The following VWA3B variants were observed in gnomAD, a reference collection of about 807,000 sequenced individuals.
VWA3B encodes the protein von Willebrand factor A domain-containing protein 3B.
In VWA3B, 138 loss-of-function variants were observed where a neutral mutation model predicts 158.3. That is an observed-to-expected ratio of 0.87 (90% CI 0.76 to 1.00). The LOEUF is 1.00. VWA3B is among the 50% of genes least tolerant of loss of function. The probability of loss-of-function intolerance (pLI) is 0.00; values close to 1 mark genes in which losing one functional copy is unlikely to be tolerated. For synonymous variants in VWA3B, 596 were observed against 587.3 expected (o/e 1.01, Z -0.21); for missense variants, 1,555 against 1,565.1 (o/e 0.99, Z 0.11).
chr2:98,125,701 G>A lies in VWA3B; in HGVS notation c.703-2538G>A, dbSNP rs1363515386. ...TTTTTTTGAAACCGAGTCTCGCTCTGTCGCCCAGGCTGGAGTGCAGTGGCA... is the reference window on the plus strand; with the variant it reads ...TTTTTTTGAAACCGAGTCTCGCTCTATCGCCCAGGCTGGAGTGCAGTGGCA... On this transcript the variant is annotated intron_variant, in intron 5 of 27. Transcript: ENST00000477737. This position sits in a 1 kb window ranked among gnomAD's most constrained non-coding sequence, Gnocchi z 4.1. Among the ~76,000 whole-genome samples, 1 of 151,892 alleles carries A rather than the reference G, an allele frequency of 6.6e-6. No homozygotes were observed. Among genetic ancestry groups the A allele is most frequent in the Non-Finnish European group, 1.5e-5 (1 of 68,004 alleles).
chr2:98,325,102 CG>C, the VWA3B span, among the ~76,000 whole-genome samples: 1 of 151,972 alleles, frequency 6.6e-6, no homozygotes, highest in Non-Finnish European at 1.5e-5. Flanking sequence ...AGAGAGATAA[CG>C]GGGAAAAATA....
intron 23 of VWA3B, among the ~76,000 whole-genome samples, chr2:98,297,302 G>A (rs1294807620): frequency 6.6e-6 from 1 of 151,876 alleles, no homozygotes; most frequent in Admixed American, 6.6e-5. Flanking sequence ...GGCTGGTCTT[G>A]AACTCCTGAC....
intron 2 of VWA3B, among the ~76,000 whole-genome samples, chr2:98,104,036 TTAAG>T (rs1055829937): frequency 2.0e-5 from 3 of 152,208 alleles, no homozygotes; most frequent in African/African-American, 7.2e-5. Flanking sequence ...AGCTTTCTTA[TTAAG>T]TTTTACATGG....
At chr2:98,140,339 C>A (rs1676676590) in intron 7 of VWA3B, among the ~76,000 whole-genome samples, 1 of 152,232 alleles carries the variant, frequency 6.6e-6, no homozygotes, top group Non-Finnish European at 1.5e-5. Context: ...CCTCCCTGGG[C>A]AGAGCAGGAT....
At chr2:98,111,800 T>C (rs2104914276) in intron 2 of VWA3B, among the ~76,000 whole-genome samples, 1 of 152,314 alleles carries the variant, frequency 6.6e-6, no homozygotes, top group South Asian at 2.1e-4. Flanking sequence ...ATTCAATCTT[T>C]ATTGGATGCA....
intron 12 of VWA3B, chr2:98,206,974 G>A (rs1001901655): frequency 4.1e-6 from 2 of 483,618 alleles, no homozygotes; most frequent in South Asian, 3.1e-5. Context: ...TGAACCACAT[G>A]CTACTCATGC....
intron 22 of VWA3B, among the ~76,000 whole-genome samples, chr2:98,288,567 C>A (rs1270359974): frequency 6.6e-6 from 1 of 152,190 alleles, no homozygotes; most frequent in African/African-American, 2.4e-5. Context: ...TTCTCCCTCT[C>A]TTTCCTCTGT....
At chr2:98,172,707 A>G (rs1573979786) in intron 8 of VWA3B, among the ~76,000 whole-genome samples, 1 of 152,168 alleles carries the variant, frequency 6.6e-6, no homozygotes, top group Non-Finnish European at 1.5e-5. Flanking sequence ...GTCAAAAGTA[A>G]GCTCCTAGAT....
At chr2:98,104,774 G>A (rs999392727) in intron 2 of VWA3B, among the ~76,000 whole-genome samples, 1 of 151,740 alleles carries the variant, frequency 6.6e-6, no homozygotes, top group Non-Finnish European at 1.5e-5. Flanking sequence ...ATATTTTTTA[G>A]TGTTTCATTT....
chr2:98,298,216 CGTGA>C, intron 24 of VWA3B, among the ~76,000 whole-genome samples, 185 bp downstream of exon 24: 2 of 152,294 alleles, frequency 1.3e-5, no homozygotes, highest in Admixed American at 1.3e-4. Flanking sequence ...TTTCTTTGCT[CGTGA>C]CCCTGACCTG....
At chr2:98,192,323 A>G (rs185316022) in intron 10 of VWA3B, 1 of 154,898 alleles carries the variant, frequency 6.5e-6, no homozygotes, top group Admixed American at 6.3e-5. Flanking sequence ...CTGAAAAGAG[A>G]GTCAGCAAAG....
intron 16 of VWA3B, among the ~76,000 whole-genome samples, chr2:98,234,048 A>G (rs1233119108): frequency 1.3e-5 from 2 of 152,244 alleles, no homozygotes; most frequent in Non-Finnish European, 2.9e-5. Flanking sequence ...CTGGACAGCA[A>G]TTGTGGTGGG....
At chr2:98,255,229 A>G (rs1297250807) in intron 20 of VWA3B, among the ~76,000 whole-genome samples, 5 of 98,426 alleles carry the variant, frequency 5.1e-5, no homozygotes, top group African/African-American at 8.4e-5. Flanking sequence ...ACAGGGTTTC[A>G]CCATGCTGGC....
Position 98,162,958 on chromosome 2 carries a change from G to A in VWA3B, c.1096G>A (p.Val366Met), listed in dbSNP as rs1324020551. ...RLVAEPPKPD[V>M]ATVDCESETT... ...GGTGGCCGAGCCTCCCAAGCCCGAC[G>A]TGGCCACTGTGGACTGCGGTTGGTG... The change falls in exon 8 of 28, where the codon GTG becomes ATG. Residue 366 changes from valine to methionine, a missense_variant. Physicochemically the swap from Val to Met is conservative, Grantham distance 21. Coordinates refer to ENST00000477737, the MANE Select transcript of VWA3B (RefSeq NM_144992.5). 13 of 1,614,052 alleles carry A rather than the reference G, an allele frequency of 8.1e-6. No homozygotes were observed. The East Asian group carries it at 1.1e-4, about 14-fold the overall frequency.
At chr2:98,128,035 T>C (rs970894306) in intron 5 of VWA3B, 1 of 552,626 alleles carries the variant, frequency 1.8e-6, no homozygotes, top group Non-Finnish European at 3.2e-6. Flanking sequence ...CAATAGCCAC[T>C]GTTGACAGAC....
intron 12 of VWA3B, among the ~76,000 whole-genome samples, chr2:98,208,567 A>T (rs995103901): frequency 2.0e-5 from 3 of 152,132 alleles, no homozygotes; most frequent in African/African-American, 7.2e-5. Flanking sequence ...CCTTATACAT[A>T]TATGTAACTT....
At chr2:98,159,650 A>G (rs1281607809) in intron 7 of VWA3B, among the ~76,000 whole-genome samples, 1 of 151,694 alleles carries the variant, frequency 6.6e-6, no homozygotes, top group South Asian at 2.1e-4. Flanking sequence ...CTCCTGAATG[A>G]CTCCATTAGG....
chr2:98,279,930 A>G (rs1408999243), intron 22 of VWA3B, among the ~76,000 whole-genome samples: 1 of 152,210 alleles, frequency 6.6e-6, no homozygotes, highest in Non-Finnish European at 1.5e-5. Flanking sequence ...AGAGGAGTGG[A>G]TGTCTTGAAA....
At chr2:98,323,903 C>A in the VWA3B span, among the ~76,000 whole-genome samples, 2 of 152,186 alleles carry the variant, frequency 1.3e-5, no homozygotes, top group African/African-American at 4.8e-5. Flanking sequence ...AGACCCTCCA[C>A]CAAAGTAAGC....
Sources: gnomAD v4.1 joint callset for allele counts (sites outside exome capture counted in the v4.1 genomes callset) on GRCh38, gnomAD v4.1.1 for gene constraint, Gnocchi (gnomAD v3.1) non-coding constraint, MANE v1.5 for transcripts, NCBI Gene and HGNC (gene_info 2026-07-23, HGNC 2026-07-21) for gene names.